The following DCC variants were observed in gnomAD, a reference collection of about 807,000 sequenced individuals.
The protein encoded by DCC is DCC netrin 1 receptor.
DCC carries 58 observed loss-of-function variants against 172.5 expected under a neutral mutation model. That is an observed-to-expected ratio of 0.34 (90% CI 0.27 to 0.42). The LOEUF (loss-of-function observed/expected upper bound fraction) is 0.42, where lower values mean the gene tolerates loss of function less well. DCC is among the 10% of genes least tolerant of loss of function. The pLI is 1.00. For synonymous variants in DCC, 709 were observed against 644.5 expected (o/e 1.10, Z -1.52); for missense variants, 1,740 against 1,791.0 (o/e 0.97, Z 0.51).
At chr18:53,430,535 G>A (rs1180337728) in intron 21 of DCC, among the ~76,000 whole-genome samples, 4 of 152,110 alleles carry the variant, frequency 2.6e-5, no homozygotes, top group East Asian at 3.9e-4. Context: ...ATTTTTTATC[G>A]TGGAAAAGAT....
chr18:53,515,649 C>A lies in DCC; in HGVS notation c.4112-10968C>A, dbSNP rs897561007. Reference sequence around the variant, plus strand: ...CAAAAATCACAAGCATTCTTATACACCAACAACAGACAAACAGAGAGCCAA... The same window carrying A: ...CAAAAATCACAAGCATTCTTATACAACAACAACAGACAAACAGAGAGCCAA... On this transcript the variant is annotated intron_variant, in intron 27 of 28. Coordinates refer to ENST00000442544, the MANE Select transcript of DCC (RefSeq NM_005215.4). Among the ~76,000 whole-genome samples the A allele has an allele frequency of 1.2e-4, 17 of 147,238 alleles. No individual in the cohort carries two copies. In the East Asian group the frequency reaches 2.6e-3, roughly 23 times the overall value.
chr18:52,507,928 C>T (rs2031292681), intron 1 of DCC, among the ~76,000 whole-genome samples: 1 of 151,946 alleles, frequency 6.6e-6, no homozygotes, highest in Non-Finnish European at 1.5e-5. Flanking sequence ...TGGTGAAACC[C>T]CGTCTCTACT....
chr18:53,101,637 C>A (rs2043173247), intron 7 of DCC, among the ~76,000 whole-genome samples: 1 of 152,108 alleles, frequency 6.6e-6, no homozygotes, highest in African/African-American at 2.4e-5. Context: ...GGACAATTTA[C>A]TTTTCACTGA....
chr18:52,880,185 G>A (rs749237321), intron 2 of DCC, among the ~76,000 whole-genome samples: 1 of 151,794 alleles, frequency 6.6e-6, no homozygotes, highest in Non-Finnish European at 1.5e-5. Context: ...AGGCTGGAGT[G>A]CAGTGGTGCA....
At chr18:53,030,614 G>T (rs1197102512) in intron 5 of DCC, among the ~76,000 whole-genome samples, 3 of 152,076 alleles carry the variant, frequency 2.0e-5, no homozygotes, top group Non-Finnish European at 2.9e-5. Context: ...CTGTAACAAG[G>T]CCCCCAACTT....
chr18:52,533,036 A>G (rs1002374608), intron 1 of DCC, among the ~76,000 whole-genome samples: 1 of 152,122 alleles, frequency 6.6e-6, no homozygotes, highest in Non-Finnish European at 1.5e-5. Context: ...TATGTACAGG[A>G]TTATAAAATA....
intron 13 of DCC, among the ~76,000 whole-genome samples, chr18:53,309,964 G>GTATATATATA (rs56355500): frequency 0.021 from 2,916 of 137,288 alleles, 110 homozygotes; most frequent in African/African-American, 0.071. Flanking sequence ...ATACGTGTGT[G>GTATATATATA]TATATATATA....
At chr18:53,008,582 T>G (rs904088646) in intron 5 of DCC, among the ~76,000 whole-genome samples, 1 of 152,056 alleles carries the variant, frequency 6.6e-6, no homozygotes, top group African/African-American at 2.4e-5. Flanking sequence ...ATTACATAAG[T>G]GTAAAATATC....
chr18:52,705,517 C>G (rs1222788938), intron 1 of DCC, among the ~76,000 whole-genome samples: 2 of 152,122 alleles, frequency 1.3e-5, no homozygotes, highest in Non-Finnish European at 2.9e-5. Context: ...TAGTCTTCAC[C>G]CAGAAAGAGT....
chr18:53,130,676 G>A (rs1398507874), intron 7 of DCC, among the ~76,000 whole-genome samples: 1 of 152,052 alleles, frequency 6.6e-6, no homozygotes, highest in Non-Finnish European at 1.5e-5. Flanking sequence ...CTGGTCTTCT[G>A]TATTATCAGG....
chr18:52,444,615 T>C (rs1393978932), intron 1 of DCC, among the ~76,000 whole-genome samples: 2 of 152,214 alleles, frequency 1.3e-5, no homozygotes, highest in African/African-American at 2.4e-5. Context: ...CTTTAGTTTA[T>C]AGCAGGAGGG....
intron 27 of DCC, among the ~76,000 whole-genome samples, chr18:53,515,887 C>T (rs1372666156): frequency 7.9e-5 from 12 of 152,060 alleles, no homozygotes; most frequent in African/African-American, 2.9e-4. Flanking sequence ...AGGTAATTTA[C>T]AGATTCAATG....
chr18:52,637,958 CA>C (rs1241655550), intron 1 of DCC, among the ~76,000 whole-genome samples: 3 of 152,184 alleles, frequency 2.0e-5, no homozygotes, highest in Admixed American at 2.0e-4. Flanking sequence ...ATCATATTAA[CA>C]GCAGATTTCT....
intron 7 of DCC, among the ~76,000 whole-genome samples, chr18:53,082,697 T>C (rs957714337): frequency 6.6e-6 from 1 of 152,140 alleles, no homozygotes; most frequent in Non-Finnish European, 1.5e-5. Context: ...AACCTCTAAG[T>C]ATGTCTCTTT....
At chr18:52,971,403 C>T (rs901454181) in intron 5 of DCC, among the ~76,000 whole-genome samples, 2 of 152,056 alleles carry the variant, frequency 1.3e-5, no homozygotes, top group African/African-American at 2.4e-5. Context: ...GTAGAATTGG[C>T]ATCAGAGTGG....
chr18:52,874,783 C>T (rs2039376948), intron 2 of DCC, among the ~76,000 whole-genome samples: 1 of 152,006 alleles, frequency 6.6e-6, no homozygotes, highest in South Asian at 2.1e-4. Context: ...GTCATAGAGA[C>T]AGAAGGCAGG....
At chr18:52,765,579 T>C (rs969355112) in intron 2 of DCC, among the ~76,000 whole-genome samples, 2 of 152,220 alleles carry the variant, frequency 1.3e-5, no homozygotes, top group Non-Finnish European at 2.9e-5. Flanking sequence ...GTGCTCACCG[T>C]AATCTATCCT....
chr18:52,394,259 G>GGAT (rs781781941), intron 1 of DCC, among the ~76,000 whole-genome samples: 12 of 151,778 alleles, frequency 7.9e-5, no homozygotes, highest in African/African-American at 1.7e-4. Context: ...AACAGAATTA[G>GGAT]GATGATGATT....
chr18:53,149,921 C>A (rs1409613663), intron 7 of DCC, among the ~76,000 whole-genome samples: 1 of 152,186 alleles, frequency 6.6e-6, no homozygotes, highest in Admixed American at 6.5e-5. Context: ...CTTTCTATAA[C>A]AGACCCGTAG....
Sources: allele counts gnomAD v4.1 joint callset (sites outside exome capture counted in the v4.1 genomes callset), GRCh38; gene constraint gnomAD v4.1.1; transcripts MANE v1.5; gene names NCBI Gene and HGNC (gene_info 2026-07-23, HGNC 2026-07-21).